SLIT2: variants seen among roughly 807,000 people sequenced by gnomAD.
The protein encoded by SLIT2 is slit homolog 2 protein.
Under a neutral mutation model 185.7 loss-of-function variants are expected in SLIT2, and 41 were observed. The ratio of observed to expected loss-of-function variants is 0.22; its 90% confidence interval spans 0.17 to 0.29. The LOEUF (loss-of-function observed/expected upper bound fraction) is 0.29. SLIT2 is among the 10% of genes least tolerant of loss of function. The pLI is 1.00. For missense variants in SLIT2, 1,571 were observed against 1,909.0 expected (o/e 0.82, Z 3.30); for synonymous variants, 693 against 680.2 (o/e 1.02, Z -0.29).
intron 33 of SLIT2, among the ~76,000 whole-genome samples, chr4:20,602,783 G>A (rs963315732): frequency 5.3e-5 from 8 of 151,978 alleles, no homozygotes; most frequent in African/African-American, 1.7e-4. Flanking sequence ...TGCTCACATT[G>A]AAATCAGCCA....
intron 4 of SLIT2, chr4:20,364,250 C>T (rs1722946311): frequency 1.0e-6 from 1 of 984,728 alleles, no homozygotes; most frequent in African/African-American, 1.7e-5. Context: ...ACAAAGACAG[C>T]TTTCTGCATC....
intron 3 of SLIT2, among the ~76,000 whole-genome samples, chr4:20,260,887 C>T (rs1712384769): frequency 6.6e-6 from 1 of 151,726 alleles, no homozygotes; most frequent in Non-Finnish European, 1.5e-5. Context: ...TCCCTCACCT[C>T]CTTCTTTTTT....
chr4:20,532,077 A>ATTT lies in SLIT2; in HGVS notation c.1688+25_1688+27dup, dbSNP rs3215198. 277 of 1,323,518 alleles carry ATTT rather than the reference A, an allele frequency of 2.1e-4. No homozygotes were observed. Among genetic ancestry groups the ATTT allele is most frequent in the East Asian group, 5.2e-4 (21 of 40,666 alleles). 82.0% of individuals were successfully genotyped at this position (1,323,518 alleles called of 1,614,324 possible). On this transcript the variant is annotated intron_variant, in intron 17 of 36. Transcript: ENST00000504154. ...GTAAAATGTAAGTCACTTGTTAGCT[A>ATTT]TTTTTTTTATTTCTGTAGCATTTTT...
chr4:20,548,618 T>C (rs1024390414), intron 23 of SLIT2, 59 bp downstream of exon 23: 1 of 977,440 alleles, frequency 1.0e-6, no homozygotes, highest in African/African-American at 1.6e-5. Context: ...AGGCAGTCTC[T>C]AGATGCTGGA....
intron 29 of SLIT2, among the ~76,000 whole-genome samples, chr4:20,580,962 A>G (rs1560212631): frequency 6.6e-6 from 1 of 152,220 alleles, no homozygotes; most frequent in African/African-American, 2.4e-5. Flanking sequence ...GAAAAAAAGA[A>G]AAAGAAAAAG....
chr4:20,400,058 C>A (rs61789408), intron 4 of SLIT2, among the ~76,000 whole-genome samples: 11,585 of 151,786 alleles, frequency 0.076, 596 homozygotes, highest in South Asian at 0.17. Flanking sequence ...CTTATGTACC[C>A]TAAATCATTT....
At chr4:20,583,037 T>C (rs562476091) in intron 29 of SLIT2, among the ~76,000 whole-genome samples, 1 of 152,314 alleles carries the variant, frequency 6.6e-6, no homozygotes, top group South Asian at 2.1e-4. Context: ...GACTTACGAA[T>C]TGTTTATTTC....
chr4:20,328,406 A>G (rs1162506833), intron 4 of SLIT2, among the ~76,000 whole-genome samples: 2 of 152,084 alleles, frequency 1.3e-5, no homozygotes, highest in Non-Finnish European at 2.9e-5. Context: ...TGTTAAACAA[A>G]TAATTAGTTT....
Position 20,510,535 on chromosome 4 carries a change from G to A in SLIT2, c.955G>A (p.Ala319Thr). The A allele has an allele frequency of 6.2e-7, 1 of 1,610,718 alleles. No homozygotes were observed. Among genetic ancestry groups the A allele is most frequent in the East Asian group, 2.2e-5 (1 of 44,734 alleles). ...CACAATCAAAGTCATCCCTCCTGGA[G>A]CTTTCTCACCATATAAAAAGCTTAG... is the stretch of plus-strand genomic sequence containing the variant. Reference protein sequence around the residue: ...QNTIKVIPPGAFSPYKKLRRI... With the variant: ...QNTIKVIPPGTFSPYKKLRRI... The change falls in exon 10 of 37, where the codon GCT (alanine) becomes ACT (threonine). Residue 319 changes from alanine to threonine, a missense_variant. By Grantham distance (58) the Ala-to-Thr change is moderately conservative. This residue lies in a region of SLIT2 where 1,202 missense variants were observed against 1,416.4 expected (regional missense o/e 0.85). Transcript: ENST00000504154.
chr4:20,362,042 T>A (rs1722782639), intron 4 of SLIT2, among the ~76,000 whole-genome samples: 1 of 152,166 alleles, frequency 6.6e-6, no homozygotes, highest in South Asian at 2.1e-4. Flanking sequence ...ATTTTCAAAA[T>A]ATGGCTGCGT....
intron 4 of SLIT2, among the ~76,000 whole-genome samples, chr4:20,333,591 T>C (rs548894561): frequency 6.1e-4 from 93 of 152,244 alleles, no homozygotes; most frequent in African/African-American, 2.2e-3. Context: ...GAATTTAGCT[T>C]GTTTTTAAAA....
chr4:20,487,911 G>A (rs1050765724), intron 7 of SLIT2, among the ~76,000 whole-genome samples: 28 of 152,226 alleles, frequency 1.8e-4, no homozygotes, highest in African/African-American at 6.5e-4. Context: ...CTGTTATTGG[G>A]TTAGAATTGA....
At position 20,485,855 on chromosome 4, in the gene SLIT2, T is replaced by C. The variant is rs545657920; in HGVS notation, c.540-345T>C. 1.9e-3 allele frequency among the ~76,000 whole-genome samples: 294 copies of C among 152,334 alleles called. 1 individual carries two copies. The highest frequency in any genetic ancestry group is 6.6e-3 in the African/African-American group (275 of 41,580). On this transcript the variant is annotated intron_variant, in intron 6 of 36. Transcript: ENST00000504154. ...ATAATGCCACTCTACGGAAATGTAATTGGGCATATTTTCCAACTGTAACTA... is the reference window on the plus strand; with the variant it reads ...ATAATGCCACTCTACGGAAATGTAACTGGGCATATTTTCCAACTGTAACTA...
intron 4 of SLIT2, among the ~76,000 whole-genome samples, chr4:20,459,061 A>G (rs1713402863): frequency 6.6e-6 from 1 of 152,190 alleles, no homozygotes; most frequent in Non-Finnish European, 1.5e-5. Context: ...ATTATATGAA[A>G]GAGATTATTA....
chr4:20,490,743 A>T (rs1469010175), intron 8 of SLIT2: 12 of 1,125,234 alleles, frequency 1.1e-5, no homozygotes, highest in Admixed American at 8.0e-5. Flanking sequence ...TAATGAAATG[A>T]CTAACAGTTC....
At chr4:20,390,010 G>A (rs911231556) in intron 4 of SLIT2, among the ~76,000 whole-genome samples, 6 of 151,998 alleles carry the variant, frequency 3.9e-5, no homozygotes, top group Non-Finnish European at 8.8e-5. Flanking sequence ...TGTGCAGTCC[G>A]ATAAATGAGG....
intron 21 of SLIT2, 145 bp downstream of exon 21, chr4:20,542,771 ATAAG>A (rs1722915225): frequency 1.1e-6 from 1 of 882,188 alleles, no homozygotes; most frequent in Admixed American, 2.4e-5. Context: ...AAAATGGTAA[ATAAG>A]TAATGCAAAA....
intron 4 of SLIT2, among the ~76,000 whole-genome samples, chr4:20,398,130 G>GT (rs1726064246): frequency 6.6e-6 from 1 of 151,818 alleles, no homozygotes; most frequent in Non-Finnish European, 1.5e-5. Context: ...TGATGGTGGA[G>GT]TTATTAGTGC....
intron 30 of SLIT2, among the ~76,000 whole-genome samples, chr4:20,590,840 G>T (rs1727460632): frequency 2.6e-5 from 4 of 152,286 alleles, no homozygotes; most frequent in African/African-American, 9.6e-5. Context: ...TTAGTTGACT[G>T]TCCAGAGATC....
Sources: allele counts gnomAD v4.1 joint callset (sites outside exome capture counted in the v4.1 genomes callset), GRCh38; gene constraint gnomAD v4.1.1; regional missense constraint gnomAD v4.1.1; transcripts MANE v1.5; gene names NCBI Gene and HGNC (gene_info 2026-07-23, HGNC 2026-07-21).